LHFPL6: variants seen among roughly 807,000 people sequenced by gnomAD.
LHFPL6 encodes the protein LHFPL tetraspan subfamily member 6, also known as LHFPL tetraspan subfamily member 6 protein.
LHFPL6 carries 9 observed loss-of-function variants against 20.6 expected under a neutral mutation model. The ratio of observed to expected loss-of-function variants is 0.44; its 90% CI spans 0.26 to 0.76. LHFPL6 has a LOEUF of 0.76. Among genes scored for constraint, LHFPL6 ranks in the 30% least tolerant of loss-of-function variants. The probability of loss-of-function intolerance (pLI) is 0.20; values close to 1 mark genes in which losing one functional copy is unlikely to be tolerated. For synonymous variants in LHFPL6, 105 were observed against 98.7 expected (o/e 1.06, Z -0.38); for missense variants, 218 against 253.5 (o/e 0.86, Z 0.95).
chr13:39,442,472 A>C (rs1396415541), intron 2 of LHFPL6, among the ~76,000 whole-genome samples: 1 of 152,150 alleles, frequency 6.6e-6, no homozygotes, highest in East Asian at 1.9e-4. Context: ...CTATAATCAA[A>C]ACTTTGGAAA....
At chr13:39,595,057 T>G (rs528345996) in intron 2 of LHFPL6, among the ~76,000 whole-genome samples, 50 of 152,256 alleles carry the variant, frequency 3.3e-4, no homozygotes, top group African/African-American at 1.2e-3. Context: ...ACATGGCACA[T>G]GTATACATAG....
chr13:39,377,253 C>T (rs1054374892), intron 3 of LHFPL6, among the ~76,000 whole-genome samples: 1 of 152,204 alleles, frequency 6.6e-6, no homozygotes, highest in African/African-American at 2.4e-5. Context: ...TCCAAGTCTT[C>T]ATTTCTTTAC....
At chr13:39,508,082 G>A (rs896414210) in intron 2 of LHFPL6, among the ~76,000 whole-genome samples, 24 of 150,936 alleles carry the variant, frequency 1.6e-4, no homozygotes, top group African/African-American at 5.4e-4. Flanking sequence ...GTGCAATGGC[G>A]CCATCTCGGC....
chr13:39,425,543 T>C (rs1439902816), intron 2 of LHFPL6, among the ~76,000 whole-genome samples: 2 of 152,248 alleles, frequency 1.3e-5, no homozygotes, highest in African/African-American at 4.8e-5. Flanking sequence ...ATATTTTGTA[T>C]GGTTTTCCTT....
At chr13:39,594,860 C>T (rs748578760) in intron 2 of LHFPL6, among the ~76,000 whole-genome samples, 1 of 152,066 alleles carries the variant, frequency 6.6e-6, no homozygotes. Flanking sequence ...AGCAAACGAT[C>T]GCAAGGACAA....
intron 2 of LHFPL6, among the ~76,000 whole-genome samples, chr13:39,479,034 T>TTAGATAG (rs1555264217): frequency 6.9e-6 from 1 of 143,988 alleles, no homozygotes; most frequent in African/African-American, 2.6e-5. Flanking sequence ...GGGAGATAGA[T>TTAGATAG]ATAGATAGAT....
intron 2 of LHFPL6, among the ~76,000 whole-genome samples, chr13:39,449,566 T>C (rs1872386531): frequency 6.6e-6 from 1 of 152,198 alleles, no homozygotes; most frequent in African/African-American, 2.4e-5. Context: ...AGTTTAAAGT[T>C]TGGGATTTAA....
chr13:39,358,953 A>G (rs1869802641), intron 3 of LHFPL6, among the ~76,000 whole-genome samples: 1 of 152,148 alleles, frequency 6.6e-6, no homozygotes, highest in Non-Finnish European at 1.5e-5. Context: ...AGGGTGGATC[A>G]CAAGGTCAGG....
At chr13:39,577,474 A>C (rs1872151681) in intron 2 of LHFPL6, among the ~76,000 whole-genome samples, 1 of 152,166 alleles carries the variant, frequency 6.6e-6, no homozygotes, top group Non-Finnish European at 1.5e-5. Flanking sequence ...CACATTCAAG[A>C]GCTCCACTTG....
At chr13:39,557,454 G>C (rs559344870) in intron 2 of LHFPL6, among the ~76,000 whole-genome samples, 65 of 152,336 alleles carry the variant, frequency 4.3e-4, no homozygotes, top group Non-Finnish European at 7.1e-4. Context: ...CCTCTACTAG[G>C]GCAGTGTGGA....
chr13:39,536,901 T>C (rs773127345), intron 2 of LHFPL6, among the ~76,000 whole-genome samples: 2 of 152,226 alleles, frequency 1.3e-5, no homozygotes, highest in Non-Finnish European at 2.9e-5. Context: ...TGATTTGTTA[T>C]TTTTCAACTC....
intron 2 of LHFPL6, among the ~76,000 whole-genome samples, chr13:39,505,486 C>T (rs370746395): frequency 3.2e-4 from 49 of 151,132 alleles, no homozygotes; most frequent in South Asian, 1.9e-3. Flanking sequence ...AGAGGAGATA[C>T]GAGAACTGTC....
intron 2 of LHFPL6, among the ~76,000 whole-genome samples, chr13:39,570,810 G>A (rs74044103): frequency 0.013 from 2,016 of 152,220 alleles, 45 homozygotes; most frequent in African/African-American, 0.046. Context: ...GGCATGCCAC[G>A]TGTGTGTTTT....
intron 2 of LHFPL6, among the ~76,000 whole-genome samples, chr13:39,452,119 A>AT (rs1252591775): frequency 1.4e-5 from 2 of 145,206 alleles, no homozygotes; most frequent in African/African-American, 5.1e-5. Context: ...AAAAAAAAGG[A>AT]TATAACAGAG....
At chr13:39,367,133 C>G (rs887473730) in intron 3 of LHFPL6, among the ~76,000 whole-genome samples, 2 of 152,192 alleles carry the variant, frequency 1.3e-5, no homozygotes, top group Non-Finnish European at 2.9e-5. Context: ...CACTCATTTT[C>G]ACAGATGTGA....
intron 2 of LHFPL6, among the ~76,000 whole-genome samples, chr13:39,455,288 C>A (rs1010335439): frequency 1.3e-5 from 2 of 152,134 alleles, no homozygotes; most frequent in African/African-American, 4.8e-5. Flanking sequence ...CCGGCGGCAA[C>A]CCCTCATCCT....
intron 2 of LHFPL6, among the ~76,000 whole-genome samples, chr13:39,398,719 G>A (rs533901934): frequency 6.6e-6 from 1 of 152,336 alleles, no homozygotes; most frequent in South Asian, 2.1e-4. Context: ...CAGAGCAGGT[G>A]GGGAGCGGTG....
intron 2 of LHFPL6, among the ~76,000 whole-genome samples, chr13:39,573,917 A>C (rs967461626): frequency 2.4e-4 from 36 of 152,198 alleles, no homozygotes; most frequent in Non-Finnish European, 4.0e-4. Context: ...ATATATCGCC[A>C]GGTTTACATA....
chr13:39,600,233 G>T (rs1566151750), intron 2 of LHFPL6, among the ~76,000 whole-genome samples: 1 of 152,174 alleles, frequency 6.6e-6, no homozygotes, highest in East Asian at 1.9e-4. Context: ...ACCCAGGAAA[G>T]TTAAGACCTA....
Sources: gnomAD v4.1 joint callset for allele counts (sites outside exome capture counted in the v4.1 genomes callset) on GRCh38, gnomAD v4.1.1 for gene constraint, MANE v1.5 for transcripts, NCBI Gene and HGNC (gene_info 2026-07-23, HGNC 2026-07-21) for gene names.